Variants in NAALADL2 observed in about 807,000 individuals in gnomAD.
NAALADL2 encodes the protein inactive N-acetylated-alpha-linked acidic dipeptidase-like protein 2.
Under a neutral mutation model 87.2 loss-of-function variants are expected in NAALADL2, and 76 were observed. That is an observed-to-expected ratio of 0.87 (90% CI 0.72 to 1.05). The LOEUF is 1.05. Ranked by LOEUF, NAALADL2 falls within the 50% of genes least tolerant of loss-of-function variation. The pLI, the probability that NAALADL2 is intolerant of heterozygous loss-of-function variation, is 0.00. For synonymous variants in NAALADL2, 354 were observed against 331.0 expected, an observed-to-expected ratio of 1.07 and a Z score of -0.75; for missense variants, 1,089 against 945.8, an observed-to-expected ratio of 1.15 and a Z score of -1.99.
chr3:175,253,946 G>T (rs949249754), intron 3 of NAALADL2, among the ~76,000 whole-genome samples: 1 of 152,128 alleles, frequency 6.6e-6, no homozygotes. Flanking sequence ...AACGAAAGTG[G>T]TTTTTTGAGA....
chr3:175,759,370 T>C (rs867383498), intron 13 of NAALADL2, among the ~76,000 whole-genome samples: 1 of 145,688 alleles, frequency 6.9e-6, no homozygotes, highest in South Asian at 2.2e-4. Flanking sequence ...TTTTTTTTTT[T>C]CTTTTGAGAT....
chr3:175,723,631 A>T (rs1742535464), intron 11 of NAALADL2, among the ~76,000 whole-genome samples: 1 of 152,130 alleles, frequency 6.6e-6, no homozygotes, highest in African/African-American at 2.4e-5. Flanking sequence ...GTGTTTCTCT[A>T]AAAAAATCTA....
intron 1 of NAALADL2, among the ~76,000 whole-genome samples, chr3:174,546,453 A>C (rs1021914423): frequency 6.6e-6 from 1 of 152,094 alleles, no homozygotes; most frequent in Non-Finnish European, 1.5e-5. Flanking sequence ...TCCTATTCTT[A>C]ACTGCTGCAG....
chr3:175,639,441 C>T (rs1381582038), intron 11 of NAALADL2, among the ~76,000 whole-genome samples: 1 of 150,118 alleles, frequency 6.7e-6, no homozygotes, highest in African/African-American at 2.5e-5. Flanking sequence ...CTGCCTCAGT[C>T]TCCCGAGTAG....
At chr3:174,654,444 T>G (rs1429786234) in intron 2 of NAALADL2, among the ~76,000 whole-genome samples, 1 of 152,170 alleles carries the variant, frequency 6.6e-6, no homozygotes, top group Non-Finnish European at 1.5e-5. Context: ...AACTTGACAT[T>G]ACTAGGGAGT....
intron 3 of NAALADL2, among the ~76,000 whole-genome samples, chr3:175,240,441 T>C (rs1055481482): frequency 1.3e-5 from 2 of 152,182 alleles, no homozygotes; most frequent in South Asian, 2.1e-4. Context: ...CTCTTTTATT[T>C]TGAATATTTT....
At chr3:175,060,016 T>C in intron 1 of NAALADL2, 2 of 416,516 alleles carry the variant, frequency 4.8e-6, no homozygotes, top group Non-Finnish European at 9.6e-6. Context: ...GCTTTTCAGG[T>C]CTCTGAAACC....
Position 175,756,908 on chromosome 3 carries a change from C to A in NAALADL2, c.2189+1490C>A, listed in dbSNP as rs1030068255. Among the ~76,000 whole-genome samples the A allele has an allele frequency of 1.9e-4, 28 of 151,106 alleles. No homozygotes were observed. The East Asian group carries it at 4.9e-3, about 26-fold the overall frequency. ...TACATACTTTTCTGTTTAATATATA[C>A]ATATATAATATGTGTATTTATATGA... is the stretch of plus-strand genomic sequence containing the variant. On this transcript the variant is annotated intron_variant, in intron 13 of 13. Transcript: ENST00000454872.
chr3:175,702,556 T>A (rs990961906), intron 11 of NAALADL2, among the ~76,000 whole-genome samples: 3 of 152,140 alleles, frequency 2.0e-5, no homozygotes, highest in Non-Finnish European at 4.4e-5. Context: ...AGCACTATAT[T>A]GAAAATGTCC....
chr3:175,741,878 A>C (rs992422250), intron 12 of NAALADL2, among the ~76,000 whole-genome samples: 1 of 152,194 alleles, frequency 6.6e-6, no homozygotes, highest in African/African-American at 2.4e-5. Context: ...GCCAACGTTA[A>C]TGACGCACCC....
At chr3:175,454,449 T>C (rs777521832) in intron 6 of NAALADL2, among the ~76,000 whole-genome samples, 2 of 152,070 alleles carry the variant, frequency 1.3e-5, no homozygotes, top group Non-Finnish European at 2.9e-5. Context: ...TTCAGAACTT[T>C]AGGGTTCCTA....
intron 5 of NAALADL2, among the ~76,000 whole-genome samples, chr3:175,341,467 A>G (rs745586266): frequency 2.0e-5 from 3 of 152,032 alleles, no homozygotes; most frequent in African/African-American, 4.8e-5. Flanking sequence ...ACAAATATTC[A>G]CATATACGTT....
chr3:174,991,239 G>A (rs957956430), intron 1 of NAALADL2, among the ~76,000 whole-genome samples: 1 of 152,044 alleles, frequency 6.6e-6, no homozygotes, highest in Non-Finnish European at 1.5e-5. Flanking sequence ...TATTGCTGTT[G>A]TAGAACAGTA....
chr3:174,853,201 CA>C (rs34303846), intron 3 of NAALADL2, among the ~76,000 whole-genome samples: 1,594 of 45,558 alleles, frequency 0.035, 23 homozygotes, highest in African/African-American at 0.12. Flanking sequence ...CCGTCTCTAC[CA>C]AAAAAAAAAA....
chr3:174,828,074 T>G (rs975011126), intron 3 of NAALADL2, among the ~76,000 whole-genome samples: 1 of 152,116 alleles, frequency 6.6e-6, no homozygotes, highest in Non-Finnish European at 1.5e-5. Flanking sequence ...CCCCAGCTAC[T>G]TGGGAGGTTG....
intron 5 of NAALADL2, among the ~76,000 whole-genome samples, chr3:175,366,999 C>T (rs1360000550): frequency 6.6e-5 from 10 of 151,446 alleles, no homozygotes; most frequent in Non-Finnish European, 1.0e-4. Flanking sequence ...TTAGGTCTAA[C>T]GTTTAAATCT....
chr3:175,026,656 A>G (rs1343049563), intron 1 of NAALADL2, among the ~76,000 whole-genome samples: 2 of 69,732 alleles, frequency 2.9e-5, no homozygotes, highest in East Asian at 5.1e-4. Flanking sequence ...ACTCTGTCTC[A>G]AAAAAAAAAA....
intron 1 of NAALADL2, among the ~76,000 whole-genome samples, chr3:174,905,714 G>A (rs563293580): frequency 8.7e-4 from 132 of 152,024 alleles, no homozygotes; most frequent in Non-Finnish European, 1.7e-3. Context: ...AGTATAAGAA[G>A]TTGATTAATA....
At chr3:175,308,166 G>T (rs1036974170) in intron 4 of NAALADL2, among the ~76,000 whole-genome samples, 3 of 152,130 alleles carry the variant, frequency 2.0e-5, no homozygotes, top group African/African-American at 7.2e-5. Flanking sequence ...AATTTCCATT[G>T]TGATAAACCC....
Sources: gnomAD v4.1 joint callset for allele counts (sites outside exome capture counted in the v4.1 genomes callset) on GRCh38, gnomAD v4.1.1 for gene constraint, MANE v1.5 for transcripts, NCBI Gene and HGNC (gene_info 2026-07-23, HGNC 2026-07-21) for gene names.